Variants in FHIT observed in about 807,000 individuals in gnomAD.
FHIT encodes fragile histidine triad diadenosine triphosphatase, also known as bis(5'-adenosyl)-triphosphatase.
Under a neutral mutation model 17.9 loss-of-function variants are expected in FHIT, and 19 were observed. The observed-to-expected ratio is 1.06, with a 90% CI of 0.74 to 1.56. FHIT has a LOEUF of 1.56. Ranked by LOEUF, FHIT falls within the 40% of genes most tolerant of loss-of-function variation. The probability of loss-of-function intolerance (pLI) is 0.00; values close to 1 mark genes in which losing one functional copy is unlikely to be tolerated. For synonymous variants in FHIT, 81 were observed against 69.7 expected, an observed-to-expected ratio of 1.16 and a Z score of -0.81; for missense variants, 248 against 189.2, an observed-to-expected ratio of 1.31 and a Z score of -1.82.
At chr3:60,179,993 C>T (rs1166993076) in intron 5 of FHIT, among the ~76,000 whole-genome samples, 2 of 152,082 alleles carry the variant, frequency 1.3e-5, no homozygotes, top group Non-Finnish European at 2.9e-5. Context: ...GGCAATCCTC[C>T]ACGGGGACTA....
intron 5 of FHIT, among the ~76,000 whole-genome samples, chr3:60,365,952 T>C (rs1321622716): frequency 6.6e-6 from 1 of 152,202 alleles, no homozygotes; most frequent in Non-Finnish European, 1.5e-5. Flanking sequence ...TGAAGCATAC[T>C]TAGTATTTAG....
Position 61,126,837 on chromosome 3 carries a change from G to A in FHIT, c.-164+73780C>T, listed in dbSNP as rs78463690. Among the ~76,000 whole-genome samples the A allele has an allele frequency of 4.6e-3, 705 of 152,208 alleles. 1 individual carries two copies. Among genetic ancestry groups the A allele is most frequent in the Admixed American group, 9.0e-3 (138 of 15,278 alleles). ...ATGGTGTGGGCCTCATGGAAATCTT[G>A]TAAAAACCCCAAGAAGATGAGAGAG... On this transcript the variant is annotated intron_variant, in intron 2 of 9. Coordinates refer to ENST00000492590, the MANE Select transcript of FHIT (RefSeq NM_002012.4).
At chr3:60,886,520 G>C (rs1705229062) in intron 3 of FHIT, among the ~76,000 whole-genome samples, 1 of 152,196 alleles carries the variant, frequency 6.6e-6, no homozygotes, top group African/African-American at 2.4e-5. Context: ...TCTGGTAAGA[G>C]AAATAATCCA....
chr3:60,640,277 C>A (rs1417287721), intron 4 of FHIT, among the ~76,000 whole-genome samples: 1 of 152,052 alleles, frequency 6.6e-6, no homozygotes, highest in African/African-American at 2.4e-5. Flanking sequence ...TTATTATATA[C>A]ACACTATACC....
At chr3:59,911,687 T>C (rs890936919) in intron 8 of FHIT, among the ~76,000 whole-genome samples, 1 of 152,202 alleles carries the variant, frequency 6.6e-6, no homozygotes, top group Non-Finnish European at 1.5e-5. Flanking sequence ...CAATTTGAAC[T>C]ACTATTGTAA....
At chr3:60,292,506 A>C (rs7648865) in intron 5 of FHIT, among the ~76,000 whole-genome samples, 89,028 of 151,912 alleles carry the variant, frequency 0.59, 27,524 homozygotes, top group East Asian at 0.95. Context: ...TAACTTTTAC[A>C]ACCAAATATT....
chr3:60,029,268 C>T (rs888204319), intron 5 of FHIT, among the ~76,000 whole-genome samples: 3 of 152,212 alleles, frequency 2.0e-5, no homozygotes, highest in Non-Finnish European at 2.9e-5. Context: ...GCATGGTTTC[C>T]GCTTGCGTGG....
intron 5 of FHIT, among the ~76,000 whole-genome samples, chr3:60,445,699 C>T (rs778025344): frequency 2.0e-5 from 3 of 151,838 alleles, no homozygotes; most frequent in Non-Finnish European, 4.4e-5. Flanking sequence ...TATTTTTCCC[C>T]CTGTAGACAC....
At chr3:60,216,915 C>G (rs938077270) in intron 5 of FHIT, among the ~76,000 whole-genome samples, 1 of 152,134 alleles carries the variant, frequency 6.6e-6, no homozygotes, top group Non-Finnish European at 1.5e-5. Flanking sequence ...AACTCCCTGA[C>G]ATCTGGATAC....
chr3:60,139,398 AC>A (rs5849333), intron 5 of FHIT, among the ~76,000 whole-genome samples: 152,260 of 152,260 alleles, frequency 1, 76,130 homozygotes, highest in Non-Finnish European at 1. Context: ...AGGGTTTAGC[AC>A]CCACTAAGTG....
At chr3:60,244,263 T>C (rs991547276) in intron 5 of FHIT, among the ~76,000 whole-genome samples, 19 of 152,074 alleles carry the variant, frequency 1.2e-4, no homozygotes, top group Admixed American at 3.9e-4. Flanking sequence ...GAATTGTCTA[T>C]AGGATACACA....
chr3:61,054,640 C>A (rs1053765640), intron 2 of FHIT, among the ~76,000 whole-genome samples: 1 of 152,106 alleles, frequency 6.6e-6, no homozygotes, highest in Non-Finnish European at 1.5e-5. Flanking sequence ...TCTGTATAAA[C>A]CCTGCAATTT....
At chr3:60,125,160 G>C (rs561294424) in intron 5 of FHIT, among the ~76,000 whole-genome samples, 6 of 152,186 alleles carry the variant, frequency 3.9e-5, no homozygotes, top group African/African-American at 1.4e-4. Context: ...ACCTCCAAAG[G>C]TCATGGAGCA....
rs186142285 is a variant in FHIT, at chr3:60,041,146, A to G, written c.104-26994T>C. ...AATATTTTTACATCTCCCACCTCCA[A>G]CCCTGAAGCCATCCTATTAGCAACC... is the stretch of plus-strand genomic sequence containing the variant. On this transcript the variant is annotated intron_variant, in intron 5 of 9. Coordinates refer to ENST00000492590, the MANE Select transcript of FHIT (RefSeq NM_002012.4). Among the ~76,000 whole-genome samples, 12 of 152,300 alleles carry G rather than the reference A, an allele frequency of 7.9e-5. No individual in the cohort carries two copies. In the East Asian group the frequency reaches 2.1e-3, roughly 27 times the overall value.
At position 60,548,345 on chromosome 3, in the gene FHIT, A is replaced by T. The variant is rs752686584; in HGVS notation, c.-17-11366T>A. Among the ~76,000 whole-genome samples, 4 of 152,162 alleles carry T rather than the reference A, an allele frequency of 2.6e-5. 1 individual carries two copies. Among genetic ancestry groups the T allele is most frequent in the South Asian group, 4.1e-4 (2 of 4,828 alleles). Reference sequence around the variant, plus strand: ...CAACAAGCAGCTGATTTAAAATATAAGCCTATATCTGTCATTTTCATATTA... The same window carrying T: ...CAACAAGCAGCTGATTTAAAATATATGCCTATATCTGTCATTTTCATATTA... On this transcript the variant is annotated intron_variant, in intron 4 of 9. Coordinates refer to ENST00000492590, the MANE Select transcript of FHIT (RefSeq NM_002012.4).
chr3:60,704,872 G>C (rs1165898451), intron 4 of FHIT, among the ~76,000 whole-genome samples: 1 of 151,558 alleles, frequency 6.6e-6, no homozygotes, highest in Non-Finnish European at 1.5e-5. Context: ...GAGATATCTT[G>C]AGAGGCTGAT....
chr3:61,053,298 A>T (rs1043501465), intron 2 of FHIT, among the ~76,000 whole-genome samples: 4 of 151,928 alleles, frequency 2.6e-5, no homozygotes, highest in South Asian at 2.1e-4. Flanking sequence ...TCACATACAT[A>T]AAAAAAATGT....
intron 5 of FHIT, among the ~76,000 whole-genome samples, chr3:60,228,051 C>T (rs1281739055): frequency 1.3e-5 from 2 of 152,128 alleles, no homozygotes; most frequent in Non-Finnish European, 2.9e-5. Context: ...TCTTGCCTCA[C>T]AATAAACATA....
intron 2 of FHIT, among the ~76,000 whole-genome samples, chr3:61,109,231 T>C (rs969718760): frequency 6.6e-6 from 1 of 152,192 alleles, no homozygotes; most frequent in Non-Finnish European, 1.5e-5. Context: ...ACACACCTGA[T>C]AGCAATAACT....
Sources: allele counts gnomAD v4.1 joint callset (sites outside exome capture counted in the v4.1 genomes callset), GRCh38; gene constraint gnomAD v4.1.1; transcripts MANE v1.5; gene names NCBI Gene and HGNC (gene_info 2026-07-23, HGNC 2026-07-21).